NQO1: variants seen among roughly 807,000 people sequenced by gnomAD.
NQO1 encodes NAD(P)H dehydrogenase [quinone] 1.
Under a neutral mutation model 32.1 loss-of-function variants are expected in NQO1, and 30 were observed. That is an observed-to-expected ratio of 0.94 (90% confidence interval 0.70 to 1.27). The LOEUF is 1.27. NQO1 is among the 50% of genes most tolerant of loss of function. The probability of loss-of-function intolerance (pLI) is 0.00; values close to 1 mark genes in which losing one functional copy is unlikely to be tolerated. For missense variants in NQO1, 276 were observed against 331.3 expected (o/e 0.83, Z 1.30); for synonymous variants, 109 against 119.7 (o/e 0.91, Z 0.59).
chr16:69,716,189 A>C (rs57964521), intron 3 of NQO1, among the ~76,000 whole-genome samples: 18,651 of 138,360 alleles, frequency 0.13, 1,434 homozygotes, highest in African/African-American at 0.26. Flanking sequence ...TAATAATAAT[A>C]ATAATCATCA....
At position 69,713,266 on chromosome 16, in the gene NQO1, C is replaced by T. The variant is rs188054291; in HGVS notation, c.418-137G>A. The T allele has an allele frequency of 5.1e-4, 344 of 669,530 alleles. 2 individuals are homozygous for T. The highest frequency in any genetic ancestry group is 7.2e-4 in the Non-Finnish European group (281 of 388,312). 41.5% of individuals were successfully genotyped at this position (669,530 alleles called of 1,614,324 possible). On this transcript the variant is annotated intron_variant, in intron 4 of 5. Coordinates refer to ENST00000320623, the MANE Select transcript of NQO1 (RefSeq NM_000903.3). ...GTTTATATTACTTCATACTTTGGCT[C>T]CCCTGAGCTACATAATATGACTCTG...
chr16:69,715,539 G>A (rs1597598624), intron 3 of NQO1, among the ~76,000 whole-genome samples: 1 of 152,200 alleles, frequency 6.6e-6, no homozygotes, highest in South Asian at 2.1e-4. Flanking sequence ...AGGCCAAGGC[G>A]GGTGGATCAC....
At chr16:69,723,023 G>A (rs1001794026) in intron 1 of NQO1, among the ~76,000 whole-genome samples, 1 of 152,066 alleles carries the variant, frequency 6.6e-6, no homozygotes, top group Non-Finnish European at 1.5e-5. Context: ...CGCCTCCCAG[G>A]TTCACGCCAT....
rs1171353740 is a variant in NQO1 at position 69,717,091 on chromosome 16, AAGAG to A, written c.303+1028_303+1031del. Among the ~76,000 whole-genome samples, 305 of 151,126 alleles carry A rather than the reference AAGAG, an allele frequency of 2.0e-3. 3 individuals are homozygous for A. The highest frequency in any genetic ancestry group is 5.8e-3 in the African/African-American group (235 of 40,658). ...GCTGATTGAATAACTAAAAAAAAAA[AAGAG>A]AGAGAGAGAGAAAAAAAAAACACAG... is the stretch of plus-strand genomic sequence containing the variant. On this transcript the variant is annotated intron_variant, in intron 3 of 5. Coordinates refer to ENST00000320623, the MANE Select transcript of NQO1 (RefSeq NM_000903.3).
At chr16:69,717,071 T>C (rs867123712) in intron 3 of NQO1, among the ~76,000 whole-genome samples, 65 of 149,412 alleles carry the variant, frequency 4.4e-4, no homozygotes, top group African/African-American at 1.5e-3. Flanking sequence ...TTGTAGCTGA[T>C]TGAATAACTA....
chr16:69,716,347 T>C (rs1427807363), intron 3 of NQO1, among the ~76,000 whole-genome samples: 1 of 150,340 alleles, frequency 6.7e-6, no homozygotes, highest in Admixed American at 6.6e-5. Context: ...ATACAAAAAG[T>C]CAAGCGTGGT....
In NQO1 at chr16:69,710,781, G is replaced by T. The variant is rs1451350375; in HGVS notation, c.*195C>A. The T allele has an allele frequency of 3.2e-6, 2 of 626,566 alleles. No homozygotes were observed. Among genetic ancestry groups the T allele is most frequent in the Non-Finnish European group, 5.3e-6 (2 of 376,010 alleles). The allele number at this position is 626,566 out of a possible 1,614,324, so 38.8% of individuals were successfully genotyped here. A position where few individuals can be genotyped will look rare whatever the true frequency, so the allele number is the denominator to read the frequency against. ...GGCCTCTTGAGCCCAGTCGGATTTT[G>T]GTTATATGCCATGATAGTAATCATA... On this transcript the variant is annotated 3_prime_UTR_variant, in exon 6 of 6. Transcript: ENST00000320623.
intron 1 of NQO1, among the ~76,000 whole-genome samples, chr16:69,719,841 C>T (rs984460008): frequency 2.5e-4 from 38 of 151,896 alleles, no homozygotes; most frequent in Admixed American, 6.6e-4. Flanking sequence ...TGGCTGGGCA[C>T]AGTGGCTGGA....
At position 69,718,154 on chromosome 16, in the gene NQO1, T is replaced by A; in HGVS notation, c.272A>T (p.Lys91Met). The A allele has an allele frequency of 6.2e-7, 1 of 1,614,086 alleles. No individual in the cohort carries two copies. Among genetic ancestry groups the A allele is most frequent in the Non-Finnish European group, 8.5e-7 (1 of 1,179,934 alleles). Residue 91 changes from lysine to methionine, a missense_variant, in exon 3 of 6, where the codon AAG (lysine) becomes ATG (methionine). Physicochemically the swap from Lys to Met is moderately conservative, Grantham distance 95 (BLOSUM62 -1). Coordinates refer to ENST00000320623, the MANE Select transcript of NQO1 (RefSeq NM_000903.3). ...TATCACAAGGTCTGCGGCTTCCAGC[T>A]TCTTTTGTTCAGCCACAATATCTGG... is the stretch of plus-strand genomic sequence containing the variant. Reference protein sequence around the residue: ...LSPDIVAEQKKLEAADLVIFQ... With the variant: ...LSPDIVAEQKMLEAADLVIFQ...
At chr16:69,722,413 G>T (rs1370694665) in intron 1 of NQO1, among the ~76,000 whole-genome samples, 2 of 151,992 alleles carry the variant, frequency 1.3e-5, no homozygotes, top group African/African-American at 2.4e-5. Flanking sequence ...ACCTGCCTTG[G>T]CCTCCCAAAG....
At chr16:69,715,110 CA>C in intron 3 of NQO1, 33 bp from the exon 4 acceptor site, 2 of 1,551,194 alleles carry the variant, frequency 1.3e-6, no homozygotes, top group Non-Finnish European at 1.8e-6. Context: ...GAGGTAAGAC[CA>C]GGGGCTCCCC....
chr16:69,721,043 A>ATTTT (rs373230600), intron 1 of NQO1, among the ~76,000 whole-genome samples: 2 of 137,416 alleles, frequency 1.5e-5, no homozygotes, highest in Non-Finnish European at 3.1e-5. Context: ...ACCACACCTA[A>ATTTT]TTTTTTTTTT....
chr16:69,719,308 G>A (rs991100318), intron 1 of NQO1, among the ~76,000 whole-genome samples: 1 of 152,080 alleles, frequency 6.6e-6, no homozygotes, highest in East Asian at 1.9e-4. Context: ...CTTTTATCTC[G>A]CTCTCCAATT....
At chr16:69,725,726 T>C (rs1245999923) in intron 1 of NQO1, among the ~76,000 whole-genome samples, 4 of 152,058 alleles carry the variant, frequency 2.6e-5, no homozygotes, top group African/African-American at 9.7e-5. Context: ...ATATAAAAAT[T>C]AGCCGCGCAT....
At chr16:69,726,357 A>G in intron 1 of NQO1, 76 bp downstream of exon 1, 2 of 1,582,302 alleles carry the variant, frequency 1.3e-6, no homozygotes, top group East Asian at 2.3e-5. Context: ...TTCAGGGCCA[A>G]GCCCCTACAA....
At chr16:69,723,306 T>C (rs563708227) in intron 1 of NQO1, among the ~76,000 whole-genome samples, 44 of 152,322 alleles carry the variant, frequency 2.9e-4, no homozygotes, top group African/African-American at 1.0e-3. Context: ...TCTCAGAAAA[T>C]GAGCAAATCA....
In NQO1 at chr16:69,709,877, A is replaced by G. The variant is rs1597593353; in HGVS notation, c.*1099T>C. On this transcript the variant is annotated 3_prime_UTR_variant, in exon 6 of 6. Coordinates refer to ENST00000320623, the MANE Select transcript of NQO1 (RefSeq NM_000903.3). ...CCCATAGTAAGTCATCAGTTTAGCAATGATAAAGAAAATAACCTTCTGAAA... is the reference window on the plus strand; with the variant it reads ...CCCATAGTAAGTCATCAGTTTAGCAGTGATAAAGAAAATAACCTTCTGAAA... The G allele has an allele frequency of 2.5e-6, 1 of 398,596 alleles. No homozygotes were observed. The highest frequency in any genetic ancestry group is 3.6e-5 in the East Asian group (1 of 28,068). 24.7% of individuals were successfully genotyped at this position (398,596 alleles called of 1,614,324 possible).
chr16:69,718,866 C>G (rs2038152345), intron 1 of NQO1, among the ~76,000 whole-genome samples: 1 of 151,996 alleles, frequency 6.6e-6, no homozygotes, highest in Admixed American at 6.6e-5. Flanking sequence ...GAAACCCTGT[C>G]TCTACTAAAA....
At chr16:69,719,460 C>G (rs982075032) in intron 1 of NQO1, among the ~76,000 whole-genome samples, 1 of 152,122 alleles carries the variant, frequency 6.6e-6, no homozygotes, top group Non-Finnish European at 1.5e-5. Flanking sequence ...TACATCCACA[C>G]TACAGGATAT....
Sources: gnomAD v4.1 joint callset for allele counts (sites outside exome capture counted in the v4.1 genomes callset) on GRCh38, gnomAD v4.1.1 for gene constraint, MANE v1.5 for transcripts, NCBI Gene and HGNC (gene_info 2026-07-23, HGNC 2026-07-21) for gene names.